ROBO2: variants seen among roughly 807,000 people sequenced by gnomAD.
The protein encoded by ROBO2 is roundabout guidance receptor 2, also known as roundabout homolog 2.
Under a neutral mutation model 160.8 loss-of-function variants are expected in ROBO2, and 53 were observed. The observed-to-expected ratio is 0.33, with a 90% CI of 0.26 to 0.41. The LOEUF is 0.41. Ranked by LOEUF, ROBO2 falls within the 10% of genes least tolerant of loss-of-function variation. ROBO2 has a pLI of 1.00. For synonymous variants in ROBO2, 664 were observed against 611.7 expected, an observed-to-expected ratio of 1.09 and a Z score of -1.26; for missense variants, 1,577 against 1,722.4, an observed-to-expected ratio of 0.92 and a Z score of 1.49.
intron 2 of ROBO2, among the ~76,000 whole-genome samples, chr3:76,159,172 A>G (rs1044499553): frequency 6.6e-6 from 1 of 152,104 alleles, no homozygotes; most frequent in Non-Finnish European, 1.5e-5. Context: ...AAGAATTTGG[A>G]TTTTGTGTTG....
At chr3:77,395,849 T>C (rs2075229216) in intron 2 of ROBO2, among the ~76,000 whole-genome samples, 1 of 152,086 alleles carries the variant, frequency 6.6e-6, no homozygotes, top group Non-Finnish European at 1.5e-5. Flanking sequence ...GCGTCTTGTA[T>C]ACTTCTTTAA....
intron 2 of ROBO2, among the ~76,000 whole-genome samples, chr3:77,134,185 A>G (rs913165273): frequency 4.6e-5 from 7 of 152,260 alleles, no homozygotes; most frequent in Non-Finnish European, 1.5e-5. Flanking sequence ...TCAAAAAAAA[A>G]AGGAAAAGAA....
chr3:76,897,402 A>G (rs2148852301), intron 2 of ROBO2, among the ~76,000 whole-genome samples: 1 of 152,224 alleles, frequency 6.6e-6, no homozygotes, highest in Admixed American at 6.6e-5. Context: ...ATCCATGAAA[A>G]TGTTTAAGAC....
intron 2 of ROBO2, among the ~76,000 whole-genome samples, chr3:76,985,364 C>T (rs1219352313): frequency 1.3e-5 from 2 of 151,570 alleles, no homozygotes; most frequent in African/African-American, 4.8e-5. Context: ...GGGAAGATCA[C>T]GAGGTCAGGA....
At chr3:76,809,259 A>C (rs1304257741) in intron 2 of ROBO2, among the ~76,000 whole-genome samples, 1 of 152,050 alleles carries the variant, frequency 6.6e-6, no homozygotes, top group Non-Finnish European at 1.5e-5. Flanking sequence ...AAGCTCCCTC[A>C]GGTTGTTGGC....
At chr3:76,950,924 C>T (rs181666753) in intron 2 of ROBO2, among the ~76,000 whole-genome samples, 12 of 152,180 alleles carry the variant, frequency 7.9e-5, no homozygotes, top group South Asian at 6.2e-4. Flanking sequence ...GAAATGGTTT[C>T]GCCATGTTTC....
exon 22 of ROBO2, chr3:77,617,658 C>G: frequency 1.2e-6 from 2 of 1,614,152 alleles, no homozygotes; most frequent in East Asian, 4.5e-5. Flanking sequence ...CTCCTTTGGA[C>G]AGCAGTCCAC....
chr3:76,909,938 C>A (rs1247266103), intron 2 of ROBO2, among the ~76,000 whole-genome samples: 1 of 152,162 alleles, frequency 6.6e-6, no homozygotes, highest in Non-Finnish European at 1.5e-5. Context: ...TCCAGATTTC[C>A]TTCTCAAGAG....
At chr3:76,535,057 T>C (rs889674760) in intron 2 of ROBO2, among the ~76,000 whole-genome samples, 1 of 151,902 alleles carries the variant, frequency 6.6e-6, no homozygotes, top group African/African-American at 2.4e-5. Context: ...GACTGGTGGA[T>C]GTCAGGGTCA....
intron 2 of ROBO2, among the ~76,000 whole-genome samples, chr3:76,855,053 T>C (rs1026256276): frequency 6.6e-6 from 1 of 152,290 alleles, no homozygotes. Context: ...CTGGTAGTAA[T>C]CAGGAGGCAC....
At chr3:76,604,848 C>A (rs1318607619) in intron 2 of ROBO2, among the ~76,000 whole-genome samples, 1 of 152,058 alleles carries the variant, frequency 6.6e-6, no homozygotes, top group East Asian at 1.9e-4. Context: ...TTTTGGAAAG[C>A]CCTTGACCAA....
intron 2 of ROBO2, among the ~76,000 whole-genome samples, chr3:76,585,090 T>A (rs2085949669): frequency 6.6e-6 from 1 of 152,196 alleles, no homozygotes; most frequent in Non-Finnish European, 1.5e-5. Context: ...CTAGCAATCA[T>A]GTAGTGCCTA....
chr3:76,229,452 C>T lies in ROBO2; in HGVS notation c.109+291850C>T, dbSNP rs145767424. Among the ~76,000 whole-genome samples the T allele has an allele frequency of 1.5e-3, 224 of 152,160 alleles. 1 individual carries two copies. Among genetic ancestry groups the T allele is most frequent in the African/African-American group, 5.0e-3 (207 of 41,528 alleles). On this transcript the variant is annotated intron_variant, in intron 2 of 26. Coordinates refer to the ROBO2 transcript ENST00000487694. Reference sequence around the variant, plus strand: ...CAAGCAATAGATGAATATCATTTTACATCATTCCTTTTTGGATTACATAAA... The same window carrying T: ...CAAGCAATAGATGAATATCATTTTATATCATTCCTTTTTGGATTACATAAA...
chr3:77,320,532 GTTCT>G (rs1308056476), intron 2 of ROBO2, among the ~76,000 whole-genome samples: 1 of 151,198 alleles, frequency 6.6e-6, no homozygotes, highest in Admixed American at 6.6e-5. Context: ...CAGTTATATG[GTTCT>G]TTGTTTCTCT....
intron 2 of ROBO2, among the ~76,000 whole-genome samples, chr3:76,656,026 G>T (rs771824852): frequency 1.3e-5 from 2 of 151,280 alleles, no homozygotes; most frequent in African/African-American, 4.8e-5. Flanking sequence ...AAATCATATA[G>T]ATTTAATTAT....
chr3:77,588,674 A>G, intron 16 of ROBO2, 77 bp from the exon 18 acceptor site: 11 of 1,389,148 alleles, frequency 7.9e-6, no homozygotes, highest in Non-Finnish European at 9.0e-6. Flanking sequence ...ATTTTTCTTC[A>G]TTTTTGATGC....
At chr3:76,375,594 A>C (rs182498462) in intron 2 of ROBO2, among the ~76,000 whole-genome samples, 1 of 152,122 alleles carries the variant, frequency 6.6e-6, no homozygotes, top group Admixed American at 6.6e-5. Context: ...TAAAGTGCTC[A>C]GGTAGCATAC....
At chr3:76,135,594 C>A (rs1052250913) in intron 2 of ROBO2, among the ~76,000 whole-genome samples, 3 of 152,064 alleles carry the variant, frequency 2.0e-5, no homozygotes, top group Non-Finnish European at 4.4e-5. Context: ...ATCACAATTA[C>A]CCTAGAGGAA....
intron 2 of ROBO2, among the ~76,000 whole-genome samples, chr3:77,256,314 T>G (rs2058409805): frequency 1.3e-5 from 2 of 152,238 alleles, no homozygotes; most frequent in Non-Finnish European, 2.9e-5. Flanking sequence ...ATTTATTTTA[T>G]TTTTTATAGT....
Sources: gnomAD v4.1 joint callset for allele counts (sites outside exome capture counted in the v4.1 genomes callset) on GRCh38, gnomAD v4.1.1 for gene constraint, MANE v1.5 for transcripts, NCBI Gene and HGNC (gene_info 2026-07-23, HGNC 2026-07-21) for gene names.